Variants in TRAPPC9 observed in about 807,000 individuals in gnomAD.
TRAPPC9 encodes IKK2 binding protein.
Under a neutral mutation model 124.0 loss-of-function variants are expected in TRAPPC9, and 83 were observed. That is an observed-to-expected ratio of 0.67 (90% CI 0.56 to 0.80). The LOEUF is 0.80. Among genes scored for constraint, TRAPPC9 ranks in the 30% least tolerant of loss-of-function variants. TRAPPC9 has a pLI of 0.00. For missense variants in TRAPPC9, 1,302 were observed against 1,508.3 expected, an observed-to-expected ratio of 0.86 and a Z score of 2.27; for synonymous variants, 638 against 617.5, an observed-to-expected ratio of 1.03 and a Z score of -0.49.
chr8:140,034,526 C>T (rs1233346614), intron 17 of TRAPPC9, among the ~76,000 whole-genome samples: 3 of 152,222 alleles, frequency 2.0e-5, no homozygotes, highest in African/African-American at 7.2e-5. Context: ...GTGCTTGGAT[C>T]CTTCAACAGA....
intron 17 of TRAPPC9, among the ~76,000 whole-genome samples, chr8:140,085,922 C>T (rs1039724744): frequency 2.6e-5 from 4 of 152,188 alleles, no homozygotes; most frequent in African/African-American, 4.8e-5. Flanking sequence ...AGCTTCCCCC[C>T]ACCCCACACC....
At chr8:140,158,071 T>A (rs536086428) in intron 17 of TRAPPC9, among the ~76,000 whole-genome samples, 41 of 152,354 alleles carry the variant, frequency 2.7e-4, no homozygotes, top group South Asian at 1.0e-3. Flanking sequence ...AATAATGCTA[T>A]AACAGATAAC....
At chr8:139,858,395 C>A (rs1008916955) in intron 21 of TRAPPC9, among the ~76,000 whole-genome samples, 2 of 152,240 alleles carry the variant, frequency 1.3e-5, no homozygotes, top group Non-Finnish European at 2.9e-5. Flanking sequence ...TGCTGAGACC[C>A]AGGCCAGCTC....
intron 17 of TRAPPC9, among the ~76,000 whole-genome samples, chr8:140,092,435 G>A (rs2130199651): frequency 6.6e-6 from 1 of 152,160 alleles, no homozygotes; most frequent in Admixed American, 6.5e-5. Context: ...GACCTTAAGA[G>A]ATTCACCTGC....
rs770009683 is a variant in TRAPPC9 at position 140,300,427 on chromosome 8, A to G, written c.1768+42T>C. 4 of 1,613,446 alleles carry G rather than the reference A, an allele frequency of 2.5e-6. No homozygotes were observed. In the Admixed American group the frequency reaches 6.7e-5, roughly 27 times the overall value. ...AAATCTAGAAAAGCCATTGGAAATCAGGTGGCAGAGCACGGTGGGAAAGCC... is the reference window on the plus strand; with the variant it reads ...AAATCTAGAAAAGCCATTGGAAATCGGGTGGCAGAGCACGGTGGGAAAGCC... On this transcript the variant is annotated intron_variant, in intron 11 of 22. Transcript: ENST00000438773.
At chr8:139,732,353 ATG>A (rs1459510469) in intron 21 of TRAPPC9, 151 bp from the exon 22 acceptor site, 3 of 729,056 alleles carry the variant, frequency 4.1e-6, no homozygotes, top group Non-Finnish European at 6.6e-6. Flanking sequence ...GGGGACACAG[ATG>A]TGTGACCAGT....
chr8:140,056,136 C>T (rs1479257883), intron 17 of TRAPPC9, among the ~76,000 whole-genome samples: 1 of 152,054 alleles, frequency 6.6e-6, no homozygotes, highest in African/African-American at 2.4e-5. Context: ...TAGCCAGGCA[C>T]AGTGACTCAT....
rs543949746 is a variant in TRAPPC9, at chr8:140,301,361, T to C, written c.1623-747A>G. Among the ~76,000 whole-genome samples the C allele has an allele frequency of 2.6e-4, 39 of 152,352 alleles. No individual in the cohort carries two copies. The South Asian group carries it at 4.8e-3, about 19-fold the overall frequency. On this transcript the variant is annotated intron_variant, in intron 10 of 22. Coordinates refer to ENST00000438773, the MANE Select transcript of TRAPPC9 (RefSeq NM_001160372.4). ...AGCAGGCACTGTGCTAACCACTGCA[T>C]ATGTATTCTCTCACTTAAACATCAC... is the stretch of plus-strand genomic sequence containing the variant.
At chr8:140,143,571 C>T (rs2061412708) in intron 17 of TRAPPC9, among the ~76,000 whole-genome samples, 1 of 152,176 alleles carries the variant, frequency 6.6e-6, no homozygotes, top group Non-Finnish European at 1.5e-5. Context: ...TCAATCTTTT[C>T]CTTCCTGGTT....
At chr8:139,732,237 G>A in intron 21 of TRAPPC9, 35 bp from the exon 22 acceptor site, 1 of 1,524,652 alleles carries the variant, frequency 6.6e-7, no homozygotes, top group African/African-American at 1.4e-5. Flanking sequence ...GGGCTGGGCT[G>A]GCCTGCACGG....
Position 140,216,328 on chromosome 8 carries a change from A to G in TRAPPC9, c.2556+5131T>C, listed in dbSNP as rs2131287179. On this transcript the variant is annotated intron_variant, in intron 17 of 22. Transcript: ENST00000438773. This position sits in a 1 kb window ranked among gnomAD's most constrained non-coding sequence, Gnocchi z 4.1. Reference sequence around the variant, plus strand: ...TCTATATACATTTATAATGATTCCAAAGAAAAACAGCACATTCACCCTTGC... The same window carrying G: ...TCTATATACATTTATAATGATTCCAGAGAAAAACAGCACATTCACCCTTGC... Among the ~76,000 whole-genome samples, 1 of 152,338 alleles carries G rather than the reference A, an allele frequency of 6.6e-6. No homozygotes were observed. The highest frequency in any genetic ancestry group is 2.4e-5 in the African/African-American group (1 of 41,582).
intron 18 of TRAPPC9, among the ~76,000 whole-genome samples, chr8:140,000,653 A>G (rs1838331152): frequency 6.6e-6 from 1 of 152,268 alleles, no homozygotes; most frequent in Admixed American, 6.5e-5. Flanking sequence ...ACTGGTCATC[A>G]GAGAAATGCA....
intron 21 of TRAPPC9, among the ~76,000 whole-genome samples, chr8:139,763,609 A>AACAC (rs10543406): frequency 5.3e-5 from 8 of 151,128 alleles, no homozygotes; most frequent in South Asian, 4.2e-4. Context: ...CATGCACATA[A>AACAC]ACACACACAC....
At chr8:140,192,690 T>C (rs990744038) in intron 17 of TRAPPC9, among the ~76,000 whole-genome samples, 1 of 152,258 alleles carries the variant, frequency 6.6e-6, no homozygotes, top group African/African-American at 2.4e-5. Flanking sequence ...TGGGTAACTA[T>C]TAACTATTCC....
intron 18 of TRAPPC9, among the ~76,000 whole-genome samples, chr8:140,002,086 G>A (rs1838437159): frequency 6.6e-6 from 1 of 151,942 alleles, no homozygotes; most frequent in East Asian, 1.9e-4. Context: ...AACATTTTAT[G>A]AGGTCAGCAT....
At chr8:139,968,053 A>G (rs1835821454) in intron 19 of TRAPPC9, among the ~76,000 whole-genome samples, 1 of 151,842 alleles carries the variant, frequency 6.6e-6, no homozygotes, top group African/African-American at 2.4e-5. Flanking sequence ...AGGCAGGGGA[A>G]TTGCTTGAAC....
At chr8:140,219,399 C>A (rs2063279265) in intron 17 of TRAPPC9, among the ~76,000 whole-genome samples, 1 of 152,186 alleles carries the variant, frequency 6.6e-6, no homozygotes, top group African/African-American at 2.4e-5. Flanking sequence ...TGAGATAGTC[C>A]TTCCGGTCCC....
chr8:140,134,893 C>T (rs981417594), intron 17 of TRAPPC9, among the ~76,000 whole-genome samples: 18 of 151,974 alleles, frequency 1.2e-4, no homozygotes, highest in Admixed American at 4.6e-4. Flanking sequence ...GTCTACAGAA[C>T]GGGAGAAAAT....
intron 20 of TRAPPC9, among the ~76,000 whole-genome samples, chr8:139,894,176 G>A (rs1830522176): frequency 6.6e-6 from 1 of 152,198 alleles, no homozygotes; most frequent in Admixed American, 6.5e-5. Flanking sequence ...TTTGATTTAG[G>A]GTAAGTTTCT....
Sources: gnomAD v4.1 joint callset for allele counts (sites outside exome capture counted in the v4.1 genomes callset) on GRCh38, gnomAD v4.1.1 for gene constraint, Gnocchi (gnomAD v3.1) non-coding constraint, MANE v1.5 for transcripts, NCBI Gene and HGNC (gene_info 2026-07-23, HGNC 2026-07-21) for gene names.